CSMD1: variants seen among roughly 807,000 people sequenced by gnomAD.
CSMD1 encodes CUB and sushi domain-containing protein 1.
CSMD1 carries 213 observed loss-of-function variants against 417.5 expected under a neutral mutation model. The observed-to-expected ratio is 0.51, with a 90% CI of 0.46 to 0.57. CSMD1 has a LOEUF of 0.57. Among genes scored for constraint, CSMD1 ranks in the 20% least tolerant of loss-of-function variants. The probability of loss-of-function intolerance (pLI) is 0.00; values close to 1 mark genes in which losing one functional copy is unlikely to be tolerated. For synonymous variants in CSMD1, 2,862 were observed against 1,736.8 expected, an observed-to-expected ratio of 1.65 and a Z score of -16.11; for missense variants, 6,923 against 4,529.7, an observed-to-expected ratio of 1.53 and a Z score of -15.17.
intron 2 of CSMD1, among the ~76,000 whole-genome samples, chr8:4,465,134 C>T (rs1306011516): frequency 6.6e-6 from 1 of 152,110 alleles, no homozygotes; most frequent in Non-Finnish European, 1.5e-5. Context: ...ATCTAAGGCT[C>T]AGAATATTAC....
intron 48 of CSMD1, among the ~76,000 whole-genome samples, chr8:3,090,868 G>A (rs986581649): frequency 1.3e-5 from 2 of 152,004 alleles, no homozygotes; most frequent in Non-Finnish European, 2.9e-5. Context: ...TCCTACTGAT[G>A]ATTGTATACA....
At chr8:4,347,624 G>A (rs1029684410) in intron 3 of CSMD1, among the ~76,000 whole-genome samples, 2 of 152,180 alleles carry the variant, frequency 1.3e-5, no homozygotes, top group Non-Finnish European at 2.9e-5. Context: ...GAGTCTTCTA[G>A]TGCAAAAGCA....
chr8:3,110,663 G>A (rs1246091109), intron 42 of CSMD1, among the ~76,000 whole-genome samples: 1 of 152,170 alleles, frequency 6.6e-6, no homozygotes, highest in Non-Finnish European at 1.5e-5. Context: ...TGAGTGTCCA[G>A]CACAATGAAT....
chr8:4,753,667 C>G (rs1811488231), intron 1 of CSMD1, among the ~76,000 whole-genome samples: 1 of 152,164 alleles, frequency 6.6e-6, no homozygotes, highest in South Asian at 2.1e-4. Context: ...GCCTTCTTCT[C>G]AGGTTCCCTG....
chr8:4,020,361 G>C (rs973432281), intron 4 of CSMD1, among the ~76,000 whole-genome samples: 2 of 152,206 alleles, frequency 1.3e-5, no homozygotes, highest in African/African-American at 2.4e-5. Flanking sequence ...AAGACTGCAA[G>C]ATGTTGTATT....
At chr8:3,325,818 C>G (rs1008042502) in intron 23 of CSMD1, among the ~76,000 whole-genome samples, 2 of 151,802 alleles carry the variant, frequency 1.3e-5, no homozygotes, top group African/African-American at 4.8e-5. Flanking sequence ...AGTGAGGCTC[C>G]GTCTCAAACA....
intron 37 of CSMD1, among the ~76,000 whole-genome samples, chr8:3,168,815 TC>T (rs59950104): frequency 0.18 from 27,854 of 152,104 alleles, 3,208 homozygotes; most frequent in East Asian, 0.56. Context: ...AAATGCTATT[TC>T]TATTATTTCC....
intron 3 of CSMD1, among the ~76,000 whole-genome samples, chr8:4,378,967 A>G (rs1272650813): frequency 1.3e-5 from 2 of 152,166 alleles, no homozygotes; most frequent in Non-Finnish European, 2.9e-5. Flanking sequence ...CTTCCAGTTT[A>G]TGATATTTTG....
chr8:4,618,705 C>T (rs1036035563), intron 2 of CSMD1, among the ~76,000 whole-genome samples: 1 of 152,090 alleles, frequency 6.6e-6, no homozygotes, highest in African/African-American at 2.4e-5. Flanking sequence ...AGATCCAAAA[C>T]GTGATGCATG....
At chr8:4,005,645 C>G (rs1166334495) in intron 4 of CSMD1, among the ~76,000 whole-genome samples, 3 of 152,194 alleles carry the variant, frequency 2.0e-5, no homozygotes, top group Admixed American at 6.5e-5. Context: ...TAGGGTGTCT[C>G]CCATGGATAC....
chr8:3,499,694 G>A (rs537623545), intron 10 of CSMD1, among the ~76,000 whole-genome samples: 2 of 152,070 alleles, frequency 1.3e-5, no homozygotes, highest in African/African-American at 2.4e-5. Flanking sequence ...GTGGTATAGG[G>A]TACTTCATGG....
At chr8:3,006,412 G>T (rs907273862) in intron 52 of CSMD1, among the ~76,000 whole-genome samples, 3 of 150,464 alleles carry the variant, frequency 2.0e-5, no homozygotes, top group African/African-American at 4.9e-5. Flanking sequence ...CACAGAATTG[G>T]AAAAAACTAC....
chr8:3,999,490 T>G (rs1041029492), intron 4 of CSMD1, among the ~76,000 whole-genome samples: 17 of 152,138 alleles, frequency 1.1e-4, no homozygotes, highest in African/African-American at 3.9e-4. Context: ...CACAAAAACG[T>G]CAAAATAGAA....
At chr8:4,803,779 A>C (rs1798438091) in intron 1 of CSMD1, among the ~76,000 whole-genome samples, 1 of 152,200 alleles carries the variant, frequency 6.6e-6, no homozygotes, top group South Asian at 2.1e-4. Context: ...GTATTTATTT[A>C]GTCCTTCTCT....
intron 1 of CSMD1, among the ~76,000 whole-genome samples, chr8:4,677,386 C>G (rs553531980): frequency 1.3e-5 from 2 of 152,136 alleles, no homozygotes; most frequent in South Asian, 4.1e-4. Context: ...AGAGTTTCAA[C>G]ATAAGGCATT....
chr8:3,042,453 T>A (rs11988754), intron 50 of CSMD1, among the ~76,000 whole-genome samples: 2 of 152,118 alleles, frequency 1.3e-5, no homozygotes, highest in African/African-American at 2.4e-5. Context: ...CATCTGCACA[T>A]GATGATGATG....
At chr8:3,307,551 A>T (rs1478546787) in intron 25 of CSMD1, 144 bp downstream of exon 25, 5 of 965,470 alleles carry the variant, frequency 5.2e-6, no homozygotes, top group Non-Finnish European at 7.6e-6. Flanking sequence ...AAGTGAGCCA[A>T]CAAAACTTTT....
intron 2 of CSMD1, among the ~76,000 whole-genome samples, chr8:4,585,620 T>A (rs1183703397): frequency 6.6e-6 from 1 of 152,050 alleles, no homozygotes; most frequent in African/African-American, 2.4e-5. Context: ...ATTTTAATCA[T>A]AGAAAAAGGA....
intron 10 of CSMD1, among the ~76,000 whole-genome samples, chr8:3,515,014 C>T (rs1406183993): frequency 6.6e-6 from 1 of 152,166 alleles, no homozygotes; most frequent in Non-Finnish European, 1.5e-5. Context: ...TAAAGCCTAA[C>T]ATTTAATCAA....
Sources: gnomAD v4.1 joint callset for allele counts (sites outside exome capture counted in the v4.1 genomes callset) on GRCh38, gnomAD v4.1.1 for gene constraint, MANE v1.5 for transcripts, NCBI Gene and HGNC (gene_info 2026-07-23, HGNC 2026-07-21) for gene names.